The following PIK3C3 variants were observed in gnomAD, a reference collection of about 807,000 sequenced individuals.
PIK3C3 encodes phosphatidylinositol 3-kinase catalytic subunit type 3.
In PIK3C3, 95 loss-of-function variants were observed where a neutral mutation model predicts 126.1. The ratio of observed to expected loss-of-function variants is 0.75; its 90% CI spans 0.64 to 0.89. PIK3C3 has a LOEUF of 0.89. Ranked by LOEUF, PIK3C3 falls within the 40% of genes least tolerant of loss-of-function variation. PIK3C3 has a pLI of 0.00. For missense variants in PIK3C3, 829 were observed against 1,063.2 expected, an observed-to-expected ratio of 0.78 and a Z score of 3.06; for synonymous variants, 374 against 360.0, an observed-to-expected ratio of 1.04 and a Z score of -0.44.
At chr18:42,054,160 A>ATATATATCTATATATATATC (rs1984944619) in intron 21 of PIK3C3, among the ~76,000 whole-genome samples, 1 of 44,292 alleles carries the variant, frequency 2.3e-5, no homozygotes, top group Non-Finnish European at 4.5e-5. Flanking sequence ...ATATATATAT[A>ATATATATCTATATATATATC]TATATATATA....
rs527629088 is a variant in PIK3C3, at chr18:42,055,304, CTA to C, written c.2264-2577_2264-2576del. ...GATTATTGATCTTTGATACTGAAAA[CTA>C]TTATTGAAAAATATTGCATCATTGT... On this transcript the variant is annotated intron_variant, in intron 21 of 24. Coordinates refer to ENST00000262039, the MANE Select transcript of PIK3C3 (RefSeq NM_002647.4). Among the ~76,000 whole-genome samples the C allele has an allele frequency of 3.2e-3, 489 of 152,154 alleles. 1 individual carries two copies. The highest frequency in any genetic ancestry group is 0.011 in the African/African-American group (462 of 41,510).
intron 24 of PIK3C3, among the ~76,000 whole-genome samples, chr18:42,080,425 G>A (rs1243393262): frequency 1.3e-5 from 2 of 150,954 alleles, no homozygotes; most frequent in African/African-American, 2.4e-5. Flanking sequence ...TTTTCTCTGA[G>A]TAATAATGAA....
At position 41,996,628 on chromosome 18, in the gene PIK3C3, T is replaced by C; in HGVS notation, c.892-10T>C. 1 of 1,420,058 alleles carries C rather than the reference T, an allele frequency of 7.0e-7. No homozygotes were observed. Among genetic ancestry groups the C allele is most frequent in the Non-Finnish European group, 9.7e-7 (1 of 1,036,232 alleles). The allele number at this position is 1,420,058 out of a possible 1,614,324, so 88.0% of individuals were successfully genotyped here. On this transcript the variant is annotated splice_polypyrimidine_tract_variant and intron_variant, in intron 8 of 24. Transcript: ENST00000262039. ...TGACAAAATTAGTTCTTTTTCTTTTTTTGTTTTAGATTATTGTGAGTTATC... is the reference window on the plus strand; with the variant it reads ...TGACAAAATTAGTTCTTTTTCTTTTCTTGTTTTAGATTATTGTGAGTTATC...
Position 42,076,093 on chromosome 18 carries a change from T to TATATATATGC in PIK3C3, c.2650-5022_2650-5021insGCATATATAT, listed in dbSNP as rs1354795896. Among the ~76,000 whole-genome samples, 30 of 72,092 alleles carry TATATATATGC rather than the reference T, an allele frequency of 4.2e-4. 1 individual carries two copies. The highest frequency in any genetic ancestry group is 3.8e-3 in the South Asian group (11 of 2,860). 47.3% of individuals were successfully genotyped at this position (72,092 alleles called of 152,430 possible). On this transcript the variant is annotated intron_variant, in intron 24 of 24. Transcript: ENST00000262039. ...AGCACTGGCTGCTTTACCTTGCATA[T>TATATATATGC]ATATATATATATATATATATATATA...
intron 21 of PIK3C3, among the ~76,000 whole-genome samples, chr18:42,056,631 G>A (rs1985078120): frequency 6.6e-6 from 1 of 152,092 alleles, no homozygotes; most frequent in South Asian, 2.1e-4. Flanking sequence ...AGAATCATGT[G>A]TATCCAACAA....
intron 11 of PIK3C3, among the ~76,000 whole-genome samples, chr18:42,014,344 A>C (rs1190097744): frequency 6.6e-6 from 1 of 152,168 alleles, no homozygotes; most frequent in Non-Finnish European, 1.5e-5. Context: ...TGAAAATAAT[A>C]GCATATTATT....
chr18:42,072,310 A>G (rs952309876), intron 24 of PIK3C3, among the ~76,000 whole-genome samples: 3 of 152,220 alleles, frequency 2.0e-5, no homozygotes, highest in African/African-American at 7.2e-5. Flanking sequence ...TAAAAGAAAC[A>G]ACATTCAAAA....
At chr18:42,036,649 G>C (rs1486547494) in intron 16 of PIK3C3, among the ~76,000 whole-genome samples, 1 of 149,382 alleles carries the variant, frequency 6.7e-6, no homozygotes, top group African/African-American at 2.5e-5. Context: ...TTTTTTTGTT[G>C]ATTTAAACAT....
intron 4 of PIK3C3, among the ~76,000 whole-genome samples, chr18:41,977,340 T>C (rs1445054119): frequency 6.6e-6 from 1 of 152,080 alleles, no homozygotes; most frequent in Non-Finnish European, 1.5e-5. Context: ...CTGAAAAAGG[T>C]GTATGTTGTT....
chr18:41,987,546 C>T (rs978745190), intron 4 of PIK3C3, among the ~76,000 whole-genome samples: 7 of 151,942 alleles, frequency 4.6e-5, no homozygotes, highest in Non-Finnish European at 7.4e-5. Flanking sequence ...TATAGGAACA[C>T]GGAGATAATT....
intron 22 of PIK3C3, chr18:42,059,723 A>G (rs967789483): frequency 1.3e-5 from 2 of 152,162 alleles, no homozygotes; most frequent in South Asian, 2.1e-4. Context: ...TAACTTTTAA[A>G]AATTTCCCTG....
chr18:42,001,229 A>T (rs1251382707), intron 9 of PIK3C3, among the ~76,000 whole-genome samples: 1 of 152,232 alleles, frequency 6.6e-6, no homozygotes, highest in Non-Finnish European at 1.5e-5. Context: ...AACTGATAAT[A>T]AACTATTTAC....
chr18:42,040,056 A>G (rs1478939864), intron 18 of PIK3C3, among the ~76,000 whole-genome samples: 2 of 150,012 alleles, frequency 1.3e-5, no homozygotes, highest in Non-Finnish European at 3.0e-5. Context: ...GCTTCATCCA[A>G]CTTTTTTTTT....
rs1598969663 is a variant in PIK3C3 at position 42,083,162 on chromosome 18, C to G, written c.*2025C>G. Reference sequence around the variant, plus strand: ...AAAAAGAAAAGTGGCTTATCAATCTCAGTTTTTATTGCTCAAAGCAATTCT... The same window carrying G: ...AAAAAGAAAAGTGGCTTATCAATCTGAGTTTTTATTGCTCAAAGCAATTCT... On this transcript the variant is annotated 3_prime_UTR_variant, in exon 25 of 25. Coordinates refer to ENST00000262039, the MANE Select transcript of PIK3C3 (RefSeq NM_002647.4). 1 of 152,180 alleles carries G rather than the reference C, an allele frequency of 6.6e-6. No homozygotes were observed. Among genetic ancestry groups the G allele is most frequent in the East Asian group, 1.9e-4 (1 of 5,188 alleles). The allele number at this position is 152,180 out of a possible 1,614,324, so 9.4% of individuals were successfully genotyped here.
At chr18:41,983,078 A>G (rs1981287424) in intron 4 of PIK3C3, among the ~76,000 whole-genome samples, 1 of 152,108 alleles carries the variant, frequency 6.6e-6, no homozygotes, top group Admixed American at 6.6e-5. Flanking sequence ...TGGTTTGCTC[A>G]TATCCTGTAT....
chr18:41,955,469 G>A, intron 1 of PIK3C3, 110 bp downstream of exon 1: 1 of 911,774 alleles, frequency 1.1e-6, no homozygotes, highest in South Asian at 1.5e-5. Flanking sequence ...TCAAGGCCCA[G>A]ATTGGGGGCG....
intron 2 of PIK3C3, among the ~76,000 whole-genome samples, chr18:41,961,844 ATAT>A (rs960495919): frequency 6.6e-6 from 1 of 152,180 alleles, no homozygotes; most frequent in Admixed American, 6.5e-5. Flanking sequence ...GTCATTAACT[ATAT>A]TATTATTAAC....
rs201892725 is a variant in PIK3C3, at chr18:42,015,592, C to A, written c.1416+26C>A. ...GTGAGTACAAAGCTTTTCCAGCTTCCTATAGGAGAGATCCTACTGCATGAA... is the reference window on the plus strand; with the variant it reads ...GTGAGTACAAAGCTTTTCCAGCTTCATATAGGAGAGATCCTACTGCATGAA... On this transcript the variant is annotated intron_variant, in intron 12 of 24. Coordinates refer to ENST00000262039, the MANE Select transcript of PIK3C3 (RefSeq NM_002647.4). 2.1e-5 allele frequency: 32 copies of A among 1,524,050 alleles called. No individual in the cohort carries two copies. The East Asian group carries it at 7.0e-4, about 33-fold the overall frequency. The allele number at this position is 1,524,050 out of a possible 1,614,324, so 94.4% of individuals were successfully genotyped here.
intron 9 of PIK3C3, among the ~76,000 whole-genome samples, chr18:42,000,343 C>T (rs1013607726): frequency 7.2e-5 from 11 of 152,156 alleles, no homozygotes; most frequent in East Asian, 3.9e-4. Flanking sequence ...TGAGTCAGCA[C>T]GCTGGCCTAA....
Sources: allele counts gnomAD v4.1 joint callset (sites outside exome capture counted in the v4.1 genomes callset), GRCh38; gene constraint gnomAD v4.1.1; transcripts MANE v1.5; gene names NCBI Gene and HGNC (gene_info 2026-07-23, HGNC 2026-07-21).